EYS: variants seen among roughly 807,000 people sequenced by gnomAD.
EYS encodes protein eyes shut homolog.
Under a neutral mutation model 282.1 loss-of-function variants are expected in EYS, and 250 were observed. The ratio of observed to expected loss-of-function variants is 0.89; its 90% CI spans 0.80 to 0.98. The LOEUF is 0.98. Ranked by LOEUF, EYS falls within the 50% of genes least tolerant of loss-of-function variation. The probability of loss-of-function intolerance (pLI) is 0.00; values close to 1 mark genes in which losing one functional copy is unlikely to be tolerated. For missense variants in EYS, 4,016 were observed against 3,709.0 expected (o/e 1.08, Z -2.15); for synonymous variants, 1,355 against 1,282.9 (o/e 1.06, Z -1.20).
chr6:64,583,379 A>G (rs1300185538), intron 26 of EYS, among the ~76,000 whole-genome samples: 1 of 152,146 alleles, frequency 6.6e-6, no homozygotes, highest in Non-Finnish European at 1.5e-5. Context: ...TTAAAGAGTT[A>G]CAGCTCATAT....
In EYS at chr6:65,331,009, T is replaced by C. The variant is rs919788761; in HGVS notation, c.1766+3971A>G. On this transcript the variant is annotated intron_variant, in intron 11 of 42. Coordinates refer to ENST00000503581, the MANE Select transcript of EYS (RefSeq NM_001142800.2). ...TACTCGGGTTGTTGTCAGAGCTCTC[T>C]GTTGACCCATTATTATTTTTTTTCC... 3.3e-5 allele frequency: 32 copies of C among 984,450 alleles called. No individual in the cohort carries two copies. In the African/African-American group the frequency reaches 5.4e-4, roughly 17 times the overall value. The allele number at this position is 984,450 out of a possible 1,614,324, so 61.0% of individuals were successfully genotyped here.
chr6:64,517,744 A>ACTTTTACTAGTATACTCTAGCACACATGT (rs1777606921), intron 26 of EYS, among the ~76,000 whole-genome samples: 7 of 151,830 alleles, frequency 4.6e-5, no homozygotes, highest in Non-Finnish European at 1.0e-4. Flanking sequence ...TAAAAAAATT[A>ACTTTTACTAGTATACTCTAGCACACATGT]CTTTTACTAG....
chr6:65,279,836 C>A, intron 12 of EYS, among the ~76,000 whole-genome samples: 1 of 152,084 alleles, frequency 6.6e-6, no homozygotes, highest in East Asian at 1.9e-4. Context: ...AAAAAGACAA[C>A]GTGTTCATTC....
intron 35 of EYS, among the ~76,000 whole-genome samples, chr6:63,939,889 TG>T (rs1243042759): frequency 4.6e-5 from 7 of 152,172 alleles, no homozygotes; most frequent in Admixed American, 3.9e-4. Flanking sequence ...TGTAAACAAA[TG>T]TAAAGATGCA....
intron 19 of EYS, among the ~76,000 whole-genome samples, chr6:64,851,142 A>G (rs1765869031): frequency 6.6e-6 from 1 of 152,082 alleles, no homozygotes; most frequent in Non-Finnish European, 1.5e-5. Flanking sequence ...CACATGGATG[A>G]AATGGAGCTG....
chr6:64,521,124 G>C (rs1777719839), intron 26 of EYS, among the ~76,000 whole-genome samples: 1 of 151,684 alleles, frequency 6.6e-6, no homozygotes, highest in African/African-American at 2.4e-5. Context: ...GAACATGTCT[G>C]AGTAGTTTTC....
At chr6:64,437,955 T>G (rs1774808786) in intron 27 of EYS, among the ~76,000 whole-genome samples, 1 of 151,744 alleles carries the variant, frequency 6.6e-6, no homozygotes, top group Non-Finnish European at 1.5e-5. Flanking sequence ...GCCCAAATGC[T>G]GTTATTATGT....
chr6:64,808,956 G>A (rs1402136410), intron 22 of EYS, among the ~76,000 whole-genome samples: 3 of 152,070 alleles, frequency 2.0e-5, no homozygotes, highest in Non-Finnish European at 4.4e-5. Flanking sequence ...TCATACTTGT[G>A]TAGTAATTTG....
At chr6:64,703,382 G>GACACACACACACACAC (rs1165808043) in intron 22 of EYS, among the ~76,000 whole-genome samples, 46 of 35,876 alleles carry the variant, frequency 1.3e-3, no homozygotes, top group Admixed American at 3.4e-3. Flanking sequence ...CACACACACA[G>GACACACACACACACAC]ACACACACAC....
At chr6:65,092,162 A>T (rs1308021167) in intron 12 of EYS, among the ~76,000 whole-genome samples, 3 of 152,168 alleles carry the variant, frequency 2.0e-5, no homozygotes, top group Non-Finnish European at 4.4e-5. Context: ...TGGTTCTTTC[A>T]TGAAACATAG....
chr6:63,853,288 C>G (rs1001391362), intron 36 of EYS, among the ~76,000 whole-genome samples: 6 of 152,152 alleles, frequency 3.9e-5, no homozygotes, highest in African/African-American at 1.4e-4. Context: ...AGCAAAGTCT[C>G]AGAACACAAA....
chr6:64,615,358 G>T (rs1316670635), intron 24 of EYS, among the ~76,000 whole-genome samples: 10 of 151,878 alleles, frequency 6.6e-5, no homozygotes. Context: ...AACCTAAAAA[G>T]TGATTTTCTA....
At chr6:64,695,006 A>G (rs1770525125) in intron 22 of EYS, among the ~76,000 whole-genome samples, 1 of 152,078 alleles carries the variant, frequency 6.6e-6, no homozygotes, top group African/African-American at 2.4e-5. Flanking sequence ...CTCTTTCCCC[A>G]TGCTGCATCT....
intron 26 of EYS, among the ~76,000 whole-genome samples, chr6:64,514,951 G>T (rs1389077327): frequency 6.6e-6 from 1 of 151,726 alleles, no homozygotes; most frequent in Admixed American, 6.6e-5. Context: ...TTATAAACGT[G>T]TAAGACTCTT....
intron 5 of EYS, chr6:65,489,950 G>A (rs1765971967): frequency 6.6e-6 from 1 of 152,178 alleles, no homozygotes; most frequent in South Asian, 2.1e-4. Context: ...GACACAGGAA[G>A]GGGAACATTA....
chr6:64,288,937 A>AT (rs1244700578), intron 30 of EYS, among the ~76,000 whole-genome samples: 2 of 151,724 alleles, frequency 1.3e-5, no homozygotes, highest in African/African-American at 2.4e-5. Context: ...TCAGGCACTC[A>AT]TTTTTTTCTT....
In EYS at chr6:64,243,854, A is replaced by G. The variant is rs116529297; in HGVS notation, c.6192-13030T>C. 6.2e-3 allele frequency among the ~76,000 whole-genome samples: 949 copies of G among 152,346 alleles called. 8 individuals carry two copies. The highest frequency in any genetic ancestry group is 0.022 in the African/African-American group (908 of 41,590). On this transcript the variant is annotated intron_variant, in intron 30 of 42. Transcript: ENST00000503581. ...AAGTTTTTACTGAAGATGAATCACA[A>G]TGTATTGTATCATTTCCCTATTGAT...
intron 22 of EYS, among the ~76,000 whole-genome samples, chr6:64,632,678 T>A (rs1299605953): frequency 3.0e-4 from 1 of 3,322 alleles, no homozygotes; most frequent in Non-Finnish European, 1.3e-3. Flanking sequence ...TAAAATGTTA[T>A]TTTTATAGAT....
chr6:65,271,295 T>A (rs568647353), intron 12 of EYS, among the ~76,000 whole-genome samples: 53 of 151,468 alleles, frequency 3.5e-4, no homozygotes, highest in African/African-American at 1.1e-3. Context: ...ATGGTTCCAG[T>A]CTGGGTATGA....
Sources: allele counts gnomAD v4.1 joint callset (sites outside exome capture counted in the v4.1 genomes callset), GRCh38; gene constraint gnomAD v4.1.1; transcripts MANE v1.5; gene names NCBI Gene and HGNC (gene_info 2026-07-23, HGNC 2026-07-21).